The following SLC17A1 variants were observed in gnomAD, a reference collection of about 807,000 sequenced individuals.
SLC17A1 encodes the protein solute carrier family 17 member 1, also known as sodium-dependent phosphate transport protein 1.
SLC17A1 carries 51 observed loss-of-function variants against 53.5 expected under a neutral mutation model. The observed-to-expected ratio is 0.95, with a 90% confidence interval of 0.76 to 1.20. The LOEUF (loss-of-function observed/expected upper bound fraction) is 1.20, where lower values mean the gene tolerates loss of function less well. SLC17A1 is among the 50% of genes most tolerant of loss of function. The pLI, the probability that SLC17A1 is intolerant of heterozygous loss-of-function variation, is 0.00. For synonymous variants in SLC17A1, 179 were observed against 198.8 expected, an observed-to-expected ratio of 0.90 and a Z score of 0.84; for missense variants, 538 against 568.2, an observed-to-expected ratio of 0.95 and a Z score of 0.54.
chr6:25,813,446 A>G, intron 6 of SLC17A1, among the ~76,000 whole-genome samples: 1 of 151,038 alleles, frequency 6.6e-6, no homozygotes, highest in East Asian at 1.9e-4. Context: ...TGCTCCCTCC[A>G]CTCCTGACAG....
chr6:25,726,032 T>G, the SLC17A1 span: 1 of 1,098,622 alleles, frequency 9.1e-7, no homozygotes. Flanking sequence ...AGCAGTAACG[T>G]TTTGTAACGT....
intron 10 of SLC17A1, among the ~76,000 whole-genome samples, chr6:25,802,485 G>A (rs1228891966): frequency 6.6e-6 from 1 of 151,900 alleles, no homozygotes; most frequent in Non-Finnish European, 1.5e-5. Flanking sequence ...ATTATTCTGT[G>A]ATTATTTATC....
downstream of SLC17A1, chr6:25,779,301 T>C (rs1763184142): frequency 2.1e-6 from 3 of 1,428,440 alleles, no homozygotes; most frequent in South Asian, 2.8e-5. Context: ...ACCCTGACTA[T>C]GTAACGCTAA....
the SLC17A1 span, chr6:25,726,546 A>T: frequency 9.7e-5 from 155 of 1,594,278 alleles, no homozygotes; most frequent in Non-Finnish European, 1.2e-4. Flanking sequence ...ATCAAATTGC[A>T]GCAACACGAG....
chr6:25,770,286 C>T, the SLC17A1 span: 1 of 1,614,082 alleles, frequency 6.2e-7, no homozygotes, highest in South Asian at 1.1e-5. Context: ...CCGGATTGTA[C>T]AAGGCATAGC....
chr6:25,726,432 A>G, the SLC17A1 span: 2 of 1,614,054 alleles, frequency 1.2e-6, no homozygotes, highest in Non-Finnish European at 8.5e-7. Context: ...GAAGCAGACG[A>G]TGGATCCGGC....
At chr6:25,726,446 C>T in the SLC17A1 span, 9 of 1,614,032 alleles carry the variant, frequency 5.6e-6, no homozygotes, top group East Asian at 2.2e-5. Flanking sequence ...ATCCGGCCTA[C>T]GGGAAACTGC....
the SLC17A1 span, chr6:25,731,982 C>T: frequency 3.8e-6 from 6 of 1,590,186 alleles, no homozygotes; most frequent in Admixed American, 3.4e-5. Flanking sequence ...ATTCATGATA[C>T]TCATGGCCTT....
chr6:25,746,726 T>A, the SLC17A1 span, among the ~76,000 whole-genome samples: 2 of 152,186 alleles, frequency 1.3e-5, no homozygotes, highest in Admixed American at 6.5e-5. Context: ...AGTCCTAGTA[T>A]AATAGCTAGC....
chr6:25,770,815 T>A, the SLC17A1 span: 1 of 819,722 alleles, frequency 1.2e-6, no homozygotes, highest in Non-Finnish European at 2.1e-6. Context: ...ACCTAGATAG[T>A]TTGGCTTGAA....
At chr6:25,805,468 A>G (rs980364904) in intron 10 of SLC17A1, among the ~76,000 whole-genome samples, 2 of 152,054 alleles carry the variant, frequency 1.3e-5, no homozygotes, top group African/African-American at 4.8e-5. Context: ...TCAAGGAACT[A>G]GAGGAAAAAA....
In SLC17A1 at chr6:25,813,228, T is replaced by G; in HGVS notation, c.617-15A>C. 6.3e-7 allele frequency: 1 copy of G among 1,599,750 alleles called. No homozygotes were observed. Among genetic ancestry groups the G allele is most frequent in the Non-Finnish European group, 8.6e-7 (1 of 1,166,950 alleles). ...GCCACAAGCACCTATCAAAGCAGGG[T>G]AAGTTAGAATTGGAAGTCTCTGTTT... On this transcript the variant is annotated splice_polypyrimidine_tract_variant and intron_variant, in intron 6 of 12. Transcript: ENST00000244527.
the SLC17A1 span, among the ~76,000 whole-genome samples, chr6:25,741,895 A>G: frequency 6.6e-6 from 1 of 152,088 alleles, no homozygotes; most frequent in Non-Finnish European, 1.5e-5. Context: ...AAAAAAATGT[A>G]TACAAAATAT....
Position 25,819,876 on chromosome 6 carries a change from T to C in SLC17A1, c.247A>G (p.Ile83Val), listed in dbSNP as rs1278937467. ...YNWSPDIQGI[I>V]LSSTSYGVII... ...ACACCATAGGAGGTGGAACTCAAGATGATTCCCTGGATATCTGGGCTCCAA... is the reference window on the plus strand; with the variant it reads ...ACACCATAGGAGGTGGAACTCAAGACGATTCCCTGGATATCTGGGCTCCAA... The change falls in exon 4 of 13, where the codon ATC becomes GTC. Residue 83 changes from isoleucine to valine, a missense_variant. Transcript: ENST00000244527. 1 of 1,613,616 alleles carries C rather than the reference T, an allele frequency of 6.2e-7. No homozygotes were observed. Among genetic ancestry groups the C allele is most frequent in the Non-Finnish European group, 8.5e-7 (1 of 1,179,756 alleles).
the SLC17A1 span, chr6:25,726,403 T>A: frequency 6.2e-7 from 1 of 1,614,166 alleles, no homozygotes; most frequent in Non-Finnish European, 8.5e-7. Context: ...CCCTATCCGC[T>A]CTGCATAGTT....
At chr6:25,727,299 T>A in the SLC17A1 span, 199,365 of 1,578,048 alleles carry the variant, frequency 0.13, 13,332 homozygotes, top group Middle Eastern at 0.2. Context: ...GTAAGCCTGC[T>A]AAGTAAACGT....
downstream of SLC17A1, among the ~76,000 whole-genome samples, chr6:25,781,449 C>A (rs940850344): frequency 2.6e-5 from 4 of 152,250 alleles, no homozygotes; most frequent in East Asian, 7.7e-4. Context: ...AAGGAGACCA[C>A]TGCTGAGAAG....
intron 3 of SLC17A1, among the ~76,000 whole-genome samples, chr6:25,825,015 T>A (rs1329372344): frequency 6.6e-6 from 1 of 151,964 alleles, no homozygotes; most frequent in Non-Finnish European, 1.5e-5. Context: ...CTAAAATTAA[T>A]ATAGCTACTT....
chr6:25,762,005 T>G, the SLC17A1 span: 1 of 1,613,882 alleles, frequency 6.2e-7, no homozygotes. Flanking sequence ...GGGGGACATT[T>G]CCAGTGATGG....
Sources: gnomAD v4.1 joint callset for allele counts (sites outside exome capture counted in the v4.1 genomes callset) on GRCh38, gnomAD v4.1.1 for gene constraint, MANE v1.5 for transcripts, NCBI Gene and HGNC (gene_info 2026-07-23, HGNC 2026-07-21) for gene names.